The following CDCA4 variants were observed in gnomAD, a reference collection of about 807,000 sequenced individuals.
CDCA4 encodes the protein cell division cycle associated 4.
For synonymous variants in CDCA4, 130 were observed against 137.0 expected (o/e 0.95, Z 0.36); for missense variants, 294 against 322.1 (o/e 0.91, Z 0.67).
chr14:105,015,721 G>A (rs1900633737), intron 1 of CDCA4, among the ~76,000 whole-genome samples: 1 of 151,886 alleles, frequency 6.6e-6, no homozygotes, highest in Non-Finnish European at 1.5e-5. Context: ...CTGGAGTGCA[G>A]TGGCGCAATC....
At chr14:105,017,659 A>T (rs11845745) in intron 1 of CDCA4, among the ~76,000 whole-genome samples, 1 of 151,772 alleles carries the variant, frequency 6.6e-6, no homozygotes, top group Non-Finnish European at 1.5e-5. Context: ...ATGAAACCCC[A>T]TCTCTACTAA....
At chr14:105,020,869 C>T (rs1886214080) in intron 1 of CDCA4, 130 bp downstream of exon 1, 1 of 151,840 alleles carries the variant, frequency 6.6e-6, no homozygotes, top group South Asian at 2.1e-4. Context: ...TGGTCCCGGG[C>T]GCCGCCTCCG....
chr14:105,011,180 G>GGCTC lies in CDCA4; in HGVS notation c.*23_*24insGAGC. The GGCTC allele has an allele frequency of 6.3e-7, 1 of 1,583,446 alleles. No individual in the cohort carries two copies. The highest frequency in any genetic ancestry group is 8.6e-7 in the Non-Finnish European group (1 of 1,164,576). On this transcript the variant is annotated 3_prime_UTR_variant, in exon 2 of 2. Transcript: ENST00000336219. Reference sequence around the variant, plus strand: ...CTCACGTGTCAATGCGTCAGAGGCGGCTGTGAGCACTCAGGGCTCCTGCTC... The same window carrying GGCTC: ...CTCACGTGTCAATGCGTCAGAGGCGGGCTCCTGTGAGCACTCAGGGCTCCTGCTC...
intron 1 of CDCA4, among the ~76,000 whole-genome samples, chr14:105,012,869 G>T (rs1390646791): frequency 6.6e-6 from 1 of 152,140 alleles, no homozygotes; most frequent in East Asian, 1.9e-4. Context: ...TGGCCTCAGG[G>T]GCCACCTCCC....
chr14:105,017,600 G>A (rs916746148), intron 1 of CDCA4, among the ~76,000 whole-genome samples: 1 of 152,096 alleles, frequency 6.6e-6, no homozygotes, highest in African/African-American at 2.4e-5. Context: ...GGGAGGCTGA[G>A]GCAGGCGGAT....
At position 105,011,264 on chromosome 14, in the gene CDCA4, G is replaced by A; in HGVS notation, c.666C>T (p.Ser222=). The A allele has an allele frequency of 1.2e-6, 2 of 1,613,644 alleles. No homozygotes were observed. The highest frequency in any genetic ancestry group is 1.7e-6 in the Non-Finnish European group (2 of 1,179,896). ...GLAPATPGPS[S]SCKSDLGELD... Reference sequence around the variant, plus strand: ...GCTCGCCCAGGTCGGACTTGCAGCTGGAGCTAGGGCCTGGGGTGGCCGGAG... The same window carrying A: ...GCTCGCCCAGGTCGGACTTGCAGCTAGAGCTAGGGCCTGGGGTGGCCGGAG... Residue 222 remains serine (S), a synonymous_variant, in exon 2 of 2, where the codon TCC becomes TCT. Coordinates refer to ENST00000336219, the MANE Select transcript of CDCA4 (RefSeq NM_017955.4).
Position 105,010,135 on chromosome 14 carries a change from G to A in CDCA4, c.*1069C>T, listed in dbSNP as rs1026428753. ...CACCCCCAGCTCACTCCCTGCCTGC[G>A]GCAGCACCCATGACACTACAGATCA... On this transcript the variant is annotated 3_prime_UTR_variant, in exon 2 of 2. Transcript: ENST00000336219. 5 of 152,596 alleles carry A rather than the reference G, an allele frequency of 3.3e-5. No homozygotes were observed. The highest frequency in any genetic ancestry group is 5.9e-5 in the Non-Finnish European group (4 of 68,036). The allele number at this position is 152,596 out of a possible 1,614,324, so 9.5% of individuals were successfully genotyped here. A position where few individuals can be genotyped will look rare whatever the true frequency, so the allele number is the denominator to read the frequency against.
intron 1 of CDCA4, among the ~76,000 whole-genome samples, chr14:105,013,150 A>C (rs1434934502): frequency 6.6e-6 from 1 of 152,020 alleles, no homozygotes; most frequent in African/African-American, 2.4e-5. Context: ...CAGATGCACT[A>C]GATGGACATT....
rs140201029 is a variant in CDCA4, at chr14:105,011,794, G to C, written c.136C>G (p.Gln46Glu). 2.5e-6 allele frequency: 4 copies of C among 1,613,780 alleles called. No homozygotes were observed. The highest frequency in any genetic ancestry group is 3.4e-6 in the Non-Finnish European group (4 of 1,180,028). The part of the protein sequence containing the change: ...SLLDMSLVKL[Q>E]LCHMLVEPNL... Reference sequence around the variant, plus strand: ...GGCTCCACAAGCATGTGGCAAAGCTGCAACTTCACCAGAGACATGTCCAGG... The same window carrying C: ...GGCTCCACAAGCATGTGGCAAAGCTCCAACTTCACCAGAGACATGTCCAGG... Residue 46 changes from glutamine (Q) to glutamate (E), a missense_variant, in exon 2 of 2, where the codon CAG (glutamine) becomes GAG (glutamate). By Grantham distance (29) the Gln-to-Glu change is conservative. Transcript: ENST00000336219.
rs1397796220 is a variant in CDCA4, at chr14:105,009,854, C to G, written c.*1350G>C. 1 of 152,158 alleles carries G rather than the reference C, an allele frequency of 6.6e-6. No homozygotes were observed. The highest frequency in any genetic ancestry group is 1.5e-5 in the Non-Finnish European group (1 of 68,032). 9.4% of individuals were successfully genotyped at this position (152,158 alleles called of 1,614,324 possible). On this transcript the variant is annotated 3_prime_UTR_variant, in exon 2 of 2. Transcript: ENST00000336219. ...TTCCTTTCCCCACCTTAGAAAGCAC[C>G]ACCAGATAATACAGCAGAACTGATC...
Position 105,009,856 on chromosome 14 carries a change from C to A in CDCA4, c.*1348G>T, listed in dbSNP as rs1900450755. 6.6e-6 allele frequency: 1 copy of A among 152,190 alleles called. No individual in the cohort carries two copies. The highest frequency in any genetic ancestry group is 6.5e-5 in the Admixed American group (1 of 15,280). The allele number at this position is 152,190 out of a possible 1,614,324, so 9.4% of individuals were successfully genotyped here. A position where few individuals can be genotyped will look rare whatever the true frequency, so the allele number is the denominator to read the frequency against. On this transcript the variant is annotated 3_prime_UTR_variant, in exon 2 of 2. Transcript: ENST00000336219. ...CCTTTCCCCACCTTAGAAAGCACCA[C>A]CAGATAATACAGCAGAACTGATCCT...
chr14:105,017,550 G>C (rs192367267), intron 1 of CDCA4, among the ~76,000 whole-genome samples: 2 of 151,958 alleles, frequency 1.3e-5, no homozygotes, highest in East Asian at 3.9e-4. Flanking sequence ...GACTTAAACA[G>C]CCCGGGCACA....
Position 105,021,055 on chromosome 14 carries a change from C to G in CDCA4, c.-63G>C, listed in dbSNP as rs532583192. ...GCTCAGCCACCGCCACCGCCGCTGC[C>G]GCCAGCTTCCCGCCGCTGAGGAAGG... is the stretch of plus-strand genomic sequence containing the variant. On this transcript the variant is annotated 5_prime_UTR_variant, in exon 1 of 2. Transcript: ENST00000336219. The G allele has an allele frequency of 2.6e-5, 4 of 152,872 alleles. No homozygotes were observed. The South Asian group carries it at 7.2e-4, about 28-fold the overall frequency. 9.5% of individuals were successfully genotyped at this position (152,872 alleles called of 1,614,324 possible). A position where few individuals can be genotyped will look rare whatever the true frequency, so the allele number is the denominator to read the frequency against.
At position 105,011,983 on chromosome 14, in the gene CDCA4, C is replaced by T. The variant is rs533607836; in HGVS notation, c.-6-48G>A. 10 of 1,544,218 alleles carry T rather than the reference C, an allele frequency of 6.5e-6. No individual in the cohort carries two copies. In the South Asian group the frequency reaches 7.4e-5, roughly 11 times the overall value. On this transcript the variant is annotated intron_variant, in intron 1 of 1. Coordinates refer to ENST00000336219, the MANE Select transcript of CDCA4 (RefSeq NM_017955.4). ...CACTTAGCACACGGCAGACTCTCTG[C>T]GGACAGCGCCCCTTGGATTTCGTCT... is the stretch of plus-strand genomic sequence containing the variant.
At chr14:105,016,627 G>A (rs1221499052) in intron 1 of CDCA4, among the ~76,000 whole-genome samples, 1 of 152,208 alleles carries the variant, frequency 6.6e-6, no homozygotes, top group Non-Finnish European at 1.5e-5. Flanking sequence ...CTCCACGTCT[G>A]TGTTCCTACC....
Position 105,011,167 on chromosome 14 carries a change from T to TGCGTCGG in CDCA4, c.*36_*37insCCGACGC. The TGCGTCGG allele has an allele frequency of 6.4e-7, 1 of 1,563,980 alleles. No homozygotes were observed. Among genetic ancestry groups the TGCGTCGG allele is most frequent in the South Asian group, 1.2e-5 (1 of 82,686 alleles). On this transcript the variant is annotated 3_prime_UTR_variant, in exon 2 of 2. Transcript: ENST00000336219. ...GTGGGAGCCAGTGCTCACGTGTCAA[T>TGCGTCGG]GCGTCAGAGGCGGCTGTGAGCACTC...
rs1900479450 is a variant in CDCA4 at position 105,010,818 on chromosome 14, T to C, written c.*386A>G. ...GATAAGGTATAAAAAGTTTAAAAAA[T>C]ATATCTTAAGACAAAATACTGCCCA... On this transcript the variant is annotated 3_prime_UTR_variant, in exon 2 of 2. Transcript: ENST00000336219. 5.1e-6 allele frequency: 1 copy of C among 195,544 alleles called. No individual in the cohort carries two copies. Among genetic ancestry groups the C allele is most frequent in the Non-Finnish European group, 1.0e-5 (1 of 97,478 alleles). 12.1% of individuals were successfully genotyped at this position (195,544 alleles called of 1,614,324 possible). A position where few individuals can be genotyped will look rare whatever the true frequency, so the allele number is the denominator to read the frequency against.
At chr14:105,018,285 G>T (rs12891996) in intron 1 of CDCA4, among the ~76,000 whole-genome samples, 38,399 of 151,706 alleles carry the variant, frequency 0.25, 7,606 homozygotes, top group African/African-American at 0.55. Flanking sequence ...TCTGGTACCA[G>T]GAGAATATCC....
chr14:105,018,647 C>T (rs1017952438), intron 1 of CDCA4, among the ~76,000 whole-genome samples: 9 of 152,104 alleles, frequency 5.9e-5, no homozygotes, highest in African/African-American at 2.2e-4. Context: ...TGTGTGACTT[C>T]TGCCTGAGGC....
Sources: allele counts gnomAD v4.1 joint callset (sites outside exome capture counted in the v4.1 genomes callset), GRCh38; gene constraint gnomAD v4.1.1; transcripts MANE v1.5; gene names NCBI Gene and HGNC (gene_info 2026-07-23, HGNC 2026-07-21).